The following TRPV5 variants were observed in gnomAD, a reference collection of about 807,000 sequenced individuals.
The protein encoded by TRPV5 is calcium transport protein 2.
In TRPV5, 66 loss-of-function variants were observed where a neutral mutation model predicts 74.1. That is an observed-to-expected ratio of 0.89 (90% confidence interval 0.73 to 1.09). TRPV5 has a LOEUF of 1.09. Ranked by LOEUF, TRPV5 falls within the 50% of genes least tolerant of loss-of-function variation. The pLI, the probability that TRPV5 is intolerant of heterozygous loss-of-function variation, is 0.00. For missense variants in TRPV5, 936 were observed against 930.4 expected (o/e 1.01, Z -0.08); for synonymous variants, 399 against 360.7 (o/e 1.11, Z -1.20).
chr7:142,930,435 G>A lies in TRPV5; in HGVS notation c.140C>T (p.Ser47Phe). 6.2e-7 allele frequency: 1 copy of A among 1,613,892 alleles called. No homozygotes were observed. Among genetic ancestry groups the A allele is most frequent in the Non-Finnish European group, 8.5e-7 (1 of 1,179,732 alleles). Residue 47 changes from serine to phenylalanine, a missense_variant, in exon 2 of 15, where the codon TCT becomes TTT. Physicochemically the swap from Ser to Phe is radical, Grantham distance 155. Coordinates refer to ENST00000265310, the MANE Select transcript of TRPV5 (RefSeq NM_019841.7). ...TTCCTTGGATGCTCGAAGCAGTGGAGACTCTAGAATCCTGGGGAAAGGTGA... is the reference window on the plus strand; with the variant it reads ...TTCCTTGGATGCTCGAAGCAGTGGAAACTCTAGAATCCTGGGGAAAGGTGA... ...HMLQQKRILE[S>F]PLLRASKEND...
At chr7:142,915,769 G>A (rs191794535) in intron 8 of TRPV5, among the ~76,000 whole-genome samples, 49 of 152,316 alleles carry the variant, frequency 3.2e-4, no homozygotes, top group African/African-American at 1.1e-3. Flanking sequence ...TTTAATAGAC[G>A]TCACATATGC....
intron 8 of TRPV5, among the ~76,000 whole-genome samples, chr7:142,924,234 ATATATATATACATATACATG>A (rs1302809465): frequency 7.1e-6 from 1 of 140,380 alleles, no homozygotes; most frequent in Non-Finnish European, 1.5e-5. Context: ...ATATACATAT[ATATATATATACATATACATG>A]TATATATATA....
intron 8 of TRPV5, among the ~76,000 whole-genome samples, chr7:142,918,241 G>A (rs1343583646): frequency 2.0e-5 from 3 of 152,194 alleles, no homozygotes; most frequent in East Asian, 1.9e-4. Context: ...TCTAGATTGA[G>A]ATGCTGATTC....
At chr7:142,929,242 C>A in intron 4 of TRPV5, 122 bp from the exon 5 acceptor site, 2 of 1,474,970 alleles carry the variant, frequency 1.4e-6, no homozygotes, top group Non-Finnish European at 9.2e-7. Context: ...GAGGGACACT[C>A]GTCCAGCAGA....
chr7:142,924,461 G>T (rs1358731576), intron 8 of TRPV5, among the ~76,000 whole-genome samples: 3 of 149,448 alleles, frequency 2.0e-5, no homozygotes, highest in South Asian at 2.1e-4. Context: ...CCTAGCATAG[G>T]GTTCATTTGG....
intron 7 of TRPV5, among the ~76,000 whole-genome samples, chr7:142,927,622 G>A (rs1255156938): frequency 1.3e-5 from 2 of 152,054 alleles, no homozygotes; most frequent in African/African-American, 4.8e-5. Context: ...AGAGCAGGGG[G>A]AGGTGCCACA....
intron 7 of TRPV5, among the ~76,000 whole-genome samples, chr7:142,926,269 C>A (rs529593916): frequency 3.9e-4 from 59 of 152,176 alleles, no homozygotes; most frequent in Middle Eastern, 6.8e-3. Context: ...CAGATTTGCT[C>A]TAGAAGTATT....
At chr7:142,923,403 A>T (rs1311011382) in intron 8 of TRPV5, among the ~76,000 whole-genome samples, 2 of 152,212 alleles carry the variant, frequency 1.3e-5, no homozygotes, top group Admixed American at 6.5e-5. Context: ...GGAGCCCCTG[A>T]TCTAATCCAA....
At chr7:142,929,183 C>T (rs1796042494) in intron 4 of TRPV5, 63 bp from the exon 5 acceptor site, 13 of 1,578,274 alleles carry the variant, frequency 8.2e-6, no homozygotes, top group Non-Finnish European at 1.1e-5. Context: ...TGGGCAGTCT[C>T]CCCCAAATAA....
At chr7:142,933,104 G>C (rs2116614315) in intron 1 of TRPV5, among the ~76,000 whole-genome samples, 1 of 152,196 alleles carries the variant, frequency 6.6e-6, no homozygotes, top group South Asian at 2.1e-4. Context: ...TCTGTCCTTA[G>C]GTCTACCCTC....
At position 142,912,456 on chromosome 7, in the gene TRPV5, A is replaced by C. The variant is rs375989150; in HGVS notation, c.1788+26T>G. 5.5e-5 allele frequency: 87 copies of C among 1,596,230 alleles called. No individual in the cohort carries two copies. The East Asian group carries it at 1.6e-3, about 29-fold the overall frequency. ...TTTTTCTCTCCAACCCCTGCTTCTT[A>C]GCAAGACTAACACAAATAAACTCAC... On this transcript the variant is annotated intron_variant, in intron 13 of 14. Coordinates refer to ENST00000265310, the MANE Select transcript of TRPV5 (RefSeq NM_019841.7).
chr7:142,908,368 A>T lies in TRPV5; in HGVS notation c.*146T>A. 1.2e-6 allele frequency: 1 copy of T among 847,838 alleles called. No homozygotes were observed. The highest frequency in any genetic ancestry group is 1.8e-6 in the Non-Finnish European group (1 of 547,588). 52.5% of individuals were successfully genotyped at this position (847,838 alleles called of 1,614,324 possible). On this transcript the variant is annotated 3_prime_UTR_variant, in exon 15 of 15. Coordinates refer to ENST00000265310, the MANE Select transcript of TRPV5 (RefSeq NM_019841.7). ...GCCAGAAATTCTGATGTGAAGTGTG[A>T]GGCATGACCCTTTAGGGATTGTTCT...
chr7:142,908,898 A>G, intron 14 of TRPV5, 90 bp from the exon 15 acceptor site: 1 of 1,303,924 alleles, frequency 7.7e-7, no homozygotes, highest in Non-Finnish European at 1.1e-6. Context: ...AGCAGGGTCA[A>G]GAGGGAAGCA....
intron 8 of TRPV5, among the ~76,000 whole-genome samples, chr7:142,918,641 G>T (rs1301686538): frequency 6.6e-6 from 1 of 152,322 alleles, no homozygotes; most frequent in Non-Finnish European, 1.5e-5. Context: ...ACTAGATAAT[G>T]TCTAAATTTG....
Position 142,915,525 on chromosome 7 carries a change from T to A in TRPV5, c.1166A>T (p.Glu389Val). ...CACAGCCCCAACGATGCTCACCAGC[T>A]CCCCCACCAGCCTGATGATATCTTC... Reference protein sequence around the residue: ...TREDIIRLVGELVSIVGAVII... With the variant: ...TREDIIRLVGVLVSIVGAVII... The change falls in exon 9 of 15, where the codon GAG (glutamate) becomes GTG (valine). Residue 389 changes from glutamate (E) to valine (V), a missense_variant. By Grantham distance (121) the Glu-to-Val change is moderately radical. Coordinates refer to ENST00000265310, the MANE Select transcript of TRPV5 (RefSeq NM_019841.7). The A allele has an allele frequency of 6.2e-7, 1 of 1,613,994 alleles. No homozygotes were observed. The highest frequency in any genetic ancestry group is 8.5e-7 in the Non-Finnish European group (1 of 1,179,988).
At position 142,920,510 on chromosome 7, in the gene TRPV5, G is replaced by A. The variant is rs4252459; in HGVS notation, c.1123-4942C>T. Among the ~76,000 whole-genome samples the A allele has an allele frequency of 2.2e-3, 333 of 152,308 alleles. 1 individual carries two copies. Among genetic ancestry groups the A allele is most frequent in the African/African-American group, 7.4e-3 (306 of 41,572 alleles). ...GGAAAGATGAGATGTGTAGATACAC[G>A]TGAGTGTGGCAAGCCCTGGCTAGCC... On this transcript the variant is annotated intron_variant, in intron 8 of 14. Transcript: ENST00000265310.
chr7:142,928,339 A>G, intron 6 of TRPV5, 105 bp from the exon 7 acceptor site: 1 of 1,238,634 alleles, frequency 8.1e-7, no homozygotes, highest in South Asian at 1.3e-5. Context: ...AGACAGACAG[A>G]CAGTGGGAAC....
At chr7:142,918,174 T>A (rs1795828890) in intron 8 of TRPV5, among the ~76,000 whole-genome samples, 1 of 152,338 alleles carries the variant, frequency 6.6e-6, no homozygotes, top group South Asian at 2.1e-4. Context: ...CTGTAATGGA[T>A]GTTTCTTTTA....
intron 8 of TRPV5, among the ~76,000 whole-genome samples, chr7:142,917,795 C>T (rs1795824951): frequency 2.0e-5 from 3 of 152,206 alleles, no homozygotes; most frequent in Admixed American, 2.0e-4. Flanking sequence ...GCCACAGACT[C>T]CTGAGAGCCC....
Sources: gnomAD v4.1 joint callset for allele counts (sites outside exome capture counted in the v4.1 genomes callset) on GRCh38, gnomAD v4.1.1 for gene constraint, MANE v1.5 for transcripts, NCBI Gene and HGNC (gene_info 2026-07-23, HGNC 2026-07-21) for gene names.